CMIP: variants seen among roughly 807,000 people sequenced by gnomAD.
The protein encoded by CMIP is C-Maf-inducing protein.
In CMIP, 13 loss-of-function variants were observed where a neutral mutation model predicts 97.3. The observed-to-expected ratio is 0.13, with a 90% CI of 0.09 to 0.21. The LOEUF is 0.21. Ranked by LOEUF, CMIP falls within the 10% of genes least tolerant of loss-of-function variation. CMIP has a pLI of 1.00. For synonymous variants in CMIP, 538 were observed against 436.3 expected, an observed-to-expected ratio of 1.23 and a Z score of -2.91; for missense variants, 847 against 1,024.9, an observed-to-expected ratio of 0.83 and a Z score of 2.37.
intron 1 of CMIP, among the ~76,000 whole-genome samples, chr16:81,517,046 G>C (rs2966100): frequency 0.58 from 85,991 of 149,256 alleles, 25,428 homozygotes; most frequent in African/African-American, 0.75. Flanking sequence ...AATCAGGCAG[G>C]TTTCAAGGTC....
intron 2 of CMIP, among the ~76,000 whole-genome samples, chr16:81,610,848 G>T (rs1310749471): frequency 6.6e-6 from 1 of 152,120 alleles, no homozygotes; most frequent in Admixed American, 6.5e-5. Flanking sequence ...GCTTTGAGAG[G>T]CTGTACTTTG....
chr16:81,607,689 G>C lies in CMIP; in HGVS notation c.423G>C (p.Leu141=), dbSNP rs761969732. ...QLTIPGGTVL[L]QAANSYLRDQ... is the part of the protein sequence containing the mutation. Reference sequence around the variant, plus strand: ...CGATTCCTGGGGGAACTGTCTTACTGCAGGTAGGAGAAATAAACATGAACA... The same window carrying C: ...CGATTCCTGGGGGAACTGTCTTACTCCAGGTAGGAGAAATAAACATGAACA... Residue 141 remains leucine, a synonymous_variant, in exon 2 of 21, where the codon CTG becomes CTC. Coordinates refer to ENST00000537098, the MANE Select transcript of CMIP (RefSeq NM_198390.3). The C allele has an allele frequency of 6.2e-7, 1 of 1,613,174 alleles. No homozygotes were observed. The highest frequency in any genetic ancestry group is 1.3e-5 in the African/African-American group (1 of 74,930).
chr16:81,559,728 A>G (rs2090839365), intron 1 of CMIP, among the ~76,000 whole-genome samples: 1 of 152,208 alleles, frequency 6.6e-6, no homozygotes, highest in Non-Finnish European at 1.5e-5. Flanking sequence ...GTAAACAACT[A>G]AGTTACTGGC....
chr16:81,626,816 T>G (rs75038280), intron 3 of CMIP, among the ~76,000 whole-genome samples: 14,475 of 116,182 alleles, frequency 0.12, 1,161 homozygotes, highest in East Asian at 0.29. Context: ...TGTGTGTGTG[T>G]GGGGTGCATA....
chr16:81,707,874 G>C (rs1397011107), intron 20 of CMIP, among the ~76,000 whole-genome samples: 1 of 152,214 alleles, frequency 6.6e-6, no homozygotes, highest in Admixed American at 6.5e-5. Flanking sequence ...GGCACAGATG[G>C]CACCCGTGAG....
At chr16:81,665,320 A>G (rs2092591709) in intron 7 of CMIP, 1 of 152,334 alleles carries the variant, frequency 6.6e-6, no homozygotes. Context: ...CTAAGTGGCC[A>G]CAGGGACCAC....
intron 1 of CMIP, among the ~76,000 whole-genome samples, chr16:81,481,389 C>G (rs1339879308): frequency 6.6e-6 from 1 of 152,186 alleles, no homozygotes; most frequent in Non-Finnish European, 1.5e-5. Flanking sequence ...CAGGGCCGCT[C>G]AGGAAGGCTG....
At position 81,672,030 on chromosome 16, in the gene CMIP, C is replaced by A; in HGVS notation, c.994C>A (p.Leu332Met). The A allele has an allele frequency of 6.2e-7, 1 of 1,606,528 alleles. No homozygotes were observed. Among genetic ancestry groups the A allele is most frequent in the South Asian group, 1.1e-5 (1 of 89,690 alleles). Residue 332 changes from leucine (L) to methionine (M), a missense_variant, in exon 9 of 21, where the codon CTG becomes ATG. Leu to Met is a conservative substitution (Grantham distance 15). Transcript: ENST00000537098. ...CCTGCCCAACCTGGTGGCCGTGTGC[C>A]TGGCTGCCATCTACTCCTGCTATGA... is the stretch of plus-strand genomic sequence containing the variant. ...RVLPNLVAVC[L>M]AAIYSCYEEF...
chr16:81,625,879 A>G (rs1023006637), intron 3 of CMIP, among the ~76,000 whole-genome samples: 2 of 152,152 alleles, frequency 1.3e-5, no homozygotes, highest in Non-Finnish European at 2.9e-5. Context: ...TCCCCAGGGG[A>G]AGTGAGGTCA....
At chr16:81,590,138 C>T (rs2091444909) in intron 1 of CMIP, among the ~76,000 whole-genome samples, 1 of 152,214 alleles carries the variant, frequency 6.6e-6, no homozygotes, top group Admixed American at 6.5e-5. Context: ...TGTCTGCCAG[C>T]CTGGACACTT....
chr16:81,540,556 G>A (rs1597529234), intron 1 of CMIP, among the ~76,000 whole-genome samples: 1 of 152,170 alleles, frequency 6.6e-6, no homozygotes, highest in East Asian at 1.9e-4. Context: ...TCCTGCCTCG[G>A]CCTCCCAAAG....
At chr16:81,666,756 C>T (rs568563866) in intron 7 of CMIP, 5 of 152,228 alleles carry the variant, frequency 3.3e-5, no homozygotes, top group Admixed American at 1.3e-4. Flanking sequence ...CTGGGAGGAC[C>T]GAGGAGGATC....
chr16:81,691,384 TACAGTC>T (rs59553445), intron 10 of CMIP, among the ~76,000 whole-genome samples: 33,572 of 151,966 alleles, frequency 0.22, 3,850 homozygotes, highest in Non-Finnish European at 0.26. Flanking sequence ...TGTCTCCCAG[TACAGTC>T]ACATTCTGAA....
intron 1 of CMIP, among the ~76,000 whole-genome samples, chr16:81,472,046 G>C (rs916266297): frequency 2.0e-5 from 3 of 152,176 alleles, no homozygotes; most frequent in African/African-American, 7.2e-5. Context: ...ACATGTACAT[G>C]CATATGCACT....
intron 9 of CMIP, among the ~76,000 whole-genome samples, chr16:81,673,664 T>C (rs1292961615): frequency 2.0e-5 from 3 of 152,236 alleles, no homozygotes; most frequent in African/African-American, 4.8e-5. Context: ...CTGGCGGTGC[T>C]GGGATAGTCA....
At chr16:81,629,411 A>G (rs1046071564) in intron 3 of CMIP, among the ~76,000 whole-genome samples, 4 of 151,944 alleles carry the variant, frequency 2.6e-5, no homozygotes, top group East Asian at 1.9e-4. Context: ...CCCTCACTCT[A>G]TACAGTGACC....
At chr16:81,639,652 G>C (rs896888824) in intron 3 of CMIP, among the ~76,000 whole-genome samples, 1 of 152,188 alleles carries the variant, frequency 6.6e-6, no homozygotes, top group African/African-American at 2.4e-5. Flanking sequence ...TTTATCCATT[G>C]GTGGACCTGG....
At chr16:81,623,307 G>C (rs1365573400) in intron 3 of CMIP, among the ~76,000 whole-genome samples, 1 of 152,236 alleles carries the variant, frequency 6.6e-6, no homozygotes, top group East Asian at 1.9e-4. Flanking sequence ...TGAAGACCTG[G>C]ATGTTTGCAT....
At chr16:81,473,487 C>CT (rs35365325) in intron 1 of CMIP, among the ~76,000 whole-genome samples, 52,746 of 140,176 alleles carry the variant, frequency 0.38, 10,600 homozygotes, top group African/African-American at 0.54. Flanking sequence ...TAAAATAGGT[C>CT]TTTTTTTTTT....
Sources: gnomAD v4.1 joint callset for allele counts (sites outside exome capture counted in the v4.1 genomes callset) on GRCh38, gnomAD v4.1.1 for gene constraint, MANE v1.5 for transcripts, NCBI Gene and HGNC (gene_info 2026-07-23, HGNC 2026-07-21) for gene names.